The following KIAA0825 variants were observed in gnomAD, a reference collection of about 807,000 sequenced individuals.
KIAA0825 encodes uncharacterized protein KIAA0825.
In KIAA0825, 119 loss-of-function variants were observed where a neutral mutation model predicts 147.6. That is an observed-to-expected ratio of 0.81 (90% confidence interval 0.69 to 0.94). The LOEUF is 0.94. KIAA0825 is among the 40% of genes least tolerant of loss of function. The probability of loss-of-function intolerance (pLI) is 0.00; values close to 1 mark genes in which losing one functional copy is unlikely to be tolerated. For missense variants in KIAA0825, 1,381 were observed against 1,472.7 expected, an observed-to-expected ratio of 0.94 and a Z score of 1.02; for synonymous variants, 470 against 518.1, an observed-to-expected ratio of 0.91 and a Z score of 1.26.
chr5:94,444,464 A>C (rs905986037), intron 13 of KIAA0825, among the ~76,000 whole-genome samples: 3 of 152,036 alleles, frequency 2.0e-5, no homozygotes, highest in Non-Finnish European at 4.4e-5. Context: ...CAATGCTTTC[A>C]TGACTGGCAA....
chr5:94,504,406 A>C (rs553388937), intron 5 of KIAA0825, among the ~76,000 whole-genome samples: 9 of 152,300 alleles, frequency 5.9e-5, no homozygotes, highest in African/African-American at 2.2e-4. Context: ...AGTTTTATCA[A>C]AGTGAAACTT....
chr5:94,367,021 G>A (rs1252610378), intron 20 of KIAA0825, among the ~76,000 whole-genome samples: 1 of 152,184 alleles, frequency 6.6e-6, no homozygotes, highest in Non-Finnish European at 1.5e-5. Context: ...GCTGAGAAAG[G>A]TAAAAACACT....
intron 20 of KIAA0825, among the ~76,000 whole-genome samples, chr5:94,330,186 C>G (rs1562384286): frequency 1.3e-5 from 2 of 152,084 alleles, no homozygotes; most frequent in East Asian, 1.9e-4. Context: ...ATGAAAGACA[C>G]AAAACCAGCA....
chr5:94,391,543 G>A lies in KIAA0825; in HGVS notation c.3448C>T (p.Leu1150Phe), dbSNP rs1749899721. The change falls in exon 18 of 21, where the codon CTC (leucine) becomes TTC (phenylalanine). Residue 1150 changes from leucine (L) to phenylalanine (F), a missense_variant. By Grantham distance (22) the Leu-to-Phe change is conservative (BLOSUM62 0). Coordinates refer to ENST00000682413, the MANE Select transcript of KIAA0825 (RefSeq NM_001145678.3). ...AAAGGCCGTTTCCCTACCTCATTGA[G>A]CTGCATGATGTGATAAATTTGCCTC... ...YLRQIYHIMQ[L>F]NEEYLKEQLF... The A allele has an allele frequency of 6.4e-7, 1 of 1,551,404 alleles. No individual in the cohort carries two copies. Among genetic ancestry groups the A allele is most frequent in the Non-Finnish European group, 8.7e-7 (1 of 1,146,930 alleles).
At chr5:94,171,927 T>C (rs775359081) in intron 20 of KIAA0825, among the ~76,000 whole-genome samples, 1 of 152,054 alleles carries the variant, frequency 6.6e-6, no homozygotes, top group Non-Finnish European at 1.5e-5. Flanking sequence ...TCCTAGTATA[T>C]GCAGAGAAAA....
chr5:94,553,198 G>A (rs560932993), intron 2 of KIAA0825, among the ~76,000 whole-genome samples: 1 of 152,144 alleles, frequency 6.6e-6, no homozygotes, highest in Admixed American at 6.5e-5. Context: ...CAGTACTTTG[G>A]GAGGCGGAGG....
chr5:94,444,248 C>A (rs547852754), intron 13 of KIAA0825, among the ~76,000 whole-genome samples: 1 of 152,084 alleles, frequency 6.6e-6, no homozygotes, highest in East Asian at 1.9e-4. Flanking sequence ...ACCAGGGGGA[C>A]CATTTAGGAT....
intron 2 of KIAA0825, among the ~76,000 whole-genome samples, chr5:94,541,416 G>T (rs1288268463): frequency 6.6e-6 from 1 of 152,242 alleles, no homozygotes; most frequent in African/African-American, 2.4e-5. Flanking sequence ...TTTGGTAAAA[G>T]ATTATAGGAA....
chr5:94,285,951 T>A (rs1025951474), intron 20 of KIAA0825, among the ~76,000 whole-genome samples: 10 of 152,060 alleles, frequency 6.6e-5, no homozygotes, highest in Admixed American at 6.6e-5. Context: ...AATCAAAAAC[T>A]GCAAAAGTCA....
chr5:94,608,383 T>C (rs1472999789), intron 1 of KIAA0825, among the ~76,000 whole-genome samples: 30 of 112,200 alleles, frequency 2.7e-4, no homozygotes, highest in Non-Finnish European at 4.7e-4. Flanking sequence ...TGCCTCAGCC[T>C]CCCAAGTAAC....
intron 4 of KIAA0825, among the ~76,000 whole-genome samples, chr5:94,522,876 A>G (rs998664613): frequency 2.6e-5 from 4 of 151,720 alleles, no homozygotes; most frequent in Non-Finnish European, 5.9e-5. Context: ...GTTTGCTTTT[A>G]ATTAAATGAG....
intron 14 of KIAA0825, among the ~76,000 whole-genome samples, chr5:94,424,419 G>A (rs1456234050): frequency 6.6e-6 from 1 of 152,038 alleles, no homozygotes; most frequent in Non-Finnish European, 1.5e-5. Context: ...CGTCCTGAAT[G>A]ACCACTGGGT....
intron 13 of KIAA0825, among the ~76,000 whole-genome samples, chr5:94,448,883 T>C (rs1221924427): frequency 6.6e-6 from 1 of 152,202 alleles, no homozygotes; most frequent in Non-Finnish European, 1.5e-5. Flanking sequence ...ACTTTAGTTA[T>C]TTTAAAATTG....
At chr5:94,239,707 G>A (rs1775249817) in intron 20 of KIAA0825, among the ~76,000 whole-genome samples, 1 of 152,154 alleles carries the variant, frequency 6.6e-6, no homozygotes, top group Non-Finnish European at 1.5e-5. Flanking sequence ...GCTATTGTCT[G>A]TTTCCTGCAA....
intron 20 of KIAA0825, among the ~76,000 whole-genome samples, chr5:94,184,571 A>G (rs1475569048): frequency 6.6e-6 from 1 of 152,184 alleles, no homozygotes; most frequent in African/African-American, 2.4e-5. Context: ...CATAGACTCT[A>G]TCTTGTCTAT....
chr5:94,505,934 T>TA (rs2151139313), intron 5 of KIAA0825, among the ~76,000 whole-genome samples: 1 of 152,348 alleles, frequency 6.6e-6, no homozygotes, highest in Non-Finnish European at 1.5e-5. Context: ...AGTCCTGAGT[T>TA]AATATTACTT....
chr5:94,286,779 T>C (rs956964199), intron 20 of KIAA0825, among the ~76,000 whole-genome samples: 1 of 152,130 alleles, frequency 6.6e-6, no homozygotes, highest in Non-Finnish European at 1.5e-5. Flanking sequence ...ACAGAAGCTT[T>C]TGTGCCACAC....
chr5:94,171,051 G>A (rs1768566261), intron 20 of KIAA0825, among the ~76,000 whole-genome samples: 1 of 152,158 alleles, frequency 6.6e-6, no homozygotes, highest in African/African-American at 2.4e-5. Context: ...AACATCAGTG[G>A]ACTGAAATTT....
intron 20 of KIAA0825, among the ~76,000 whole-genome samples, chr5:94,270,721 C>T (rs1776943847): frequency 6.6e-6 from 1 of 152,014 alleles, no homozygotes; most frequent in African/African-American, 2.4e-5. Context: ...AAGGATAACT[C>T]ATTTTACTAT....
Sources: allele counts gnomAD v4.1 joint callset (sites outside exome capture counted in the v4.1 genomes callset), GRCh38; gene constraint gnomAD v4.1.1; transcripts MANE v1.5; gene names NCBI Gene and HGNC (gene_info 2026-07-23, HGNC 2026-07-21).